SCLT1: variants seen among roughly 807,000 people sequenced by gnomAD.
The protein encoded by SCLT1 is sodium channel-associated protein 1.
In SCLT1, 78 loss-of-function variants were observed where a neutral mutation model predicts 112.8. The observed-to-expected ratio is 0.69, with a 90% CI of 0.58 to 0.83. The LOEUF is 0.83. Among genes scored for constraint, SCLT1 ranks in the 40% least tolerant of loss-of-function variants. SCLT1 has a pLI of 0.00. For missense variants in SCLT1, 747 were observed against 770.4 expected, an observed-to-expected ratio of 0.97 and a Z score of 0.36; for synonymous variants, 257 against 254.7, an observed-to-expected ratio of 1.01 and a Z score of -0.09.
chr4:129,018,673 A>C (rs961572621), intron 5 of SCLT1, among the ~76,000 whole-genome samples: 12 of 152,210 alleles, frequency 7.9e-5, no homozygotes, highest in Admixed American at 2.6e-4. Context: ...ACTCGCTCAA[A>C]GTAAAGACCT....
intron 19 of SCLT1, among the ~76,000 whole-genome samples, chr4:128,889,443 C>T (rs935206122): frequency 6.6e-6 from 1 of 152,148 alleles, no homozygotes. Context: ...TCTGAGGCTA[C>T]CAGAAGCTGG....
intron 8 of SCLT1, among the ~76,000 whole-genome samples, chr4:128,994,563 A>G (rs1332288935): frequency 1.3e-5 from 2 of 152,024 alleles, no homozygotes; most frequent in Non-Finnish European, 2.9e-5. Context: ...TGGTAGTTAT[A>G]TTTTTATTTT....
chr4:128,946,176 T>A (rs992980057), intron 15 of SCLT1, 24 bp from the exon 16 acceptor site: 10 of 1,524,082 alleles, frequency 6.6e-6, no homozygotes, highest in Non-Finnish European at 8.1e-6. Context: ...TTATTAGGTA[T>A]ATAATATTAC....
At chr4:129,039,943 T>A in intron 4 of SCLT1, 9 of 472,506 alleles carry the variant, frequency 1.9e-5, no homozygotes, top group Admixed American at 3.2e-5. Flanking sequence ...AAACCCTGAA[T>A]TTACATGTAA....
rs568445096 is a variant in SCLT1, at chr4:128,933,623, T to C, written c.1829+3032A>G. 4.6e-5 allele frequency among the ~76,000 whole-genome samples: 7 copies of C among 152,212 alleles called. No individual in the cohort carries two copies. The South Asian group carries it at 8.3e-4, about 18-fold the overall frequency. On this transcript the variant is annotated intron_variant, in intron 18 of 20. Coordinates refer to ENST00000281142, the MANE Select transcript of SCLT1 (RefSeq NM_144643.4). ...TCCTAGTTTCTTTTAGGAGACCTCA[T>C]TGCAACTGAATACTGGTCTTGTTTT...
At chr4:128,930,907 A>G (rs1460207186) in intron 18 of SCLT1, among the ~76,000 whole-genome samples, 1 of 152,202 alleles carries the variant, frequency 6.6e-6, no homozygotes, top group Non-Finnish European at 1.5e-5. Context: ...ATATCTTTAA[A>G]AAAAGAATTT....
chr4:128,959,803 A>T, intron 11 of SCLT1, 26 bp from the exon 12 acceptor site: 1 of 1,591,196 alleles, frequency 6.3e-7, no homozygotes, highest in African/African-American at 1.3e-5. Flanking sequence ...TACACTGGGA[A>T]AGTTAAACTT....
At chr4:128,949,987 T>C (rs964106922) in intron 14 of SCLT1, among the ~76,000 whole-genome samples, 11 of 152,098 alleles carry the variant, frequency 7.2e-5, no homozygotes, top group African/African-American at 2.7e-4. Context: ...TAAGCTTCTT[T>C]TGTGACCCAA....
At chr4:128,911,068 A>G (rs1317876714) in intron 18 of SCLT1, among the ~76,000 whole-genome samples, 2 of 152,156 alleles carry the variant, frequency 1.3e-5, no homozygotes, top group East Asian at 3.9e-4. Flanking sequence ...GTTCGAGACC[A>G]GCCTGGCAAA....
intron 18 of SCLT1, among the ~76,000 whole-genome samples, chr4:128,926,088 GT>G (rs1376927861): frequency 4.0e-5 from 6 of 151,562 alleles, no homozygotes; most frequent in African/African-American, 1.2e-4. Flanking sequence ...ACTAGTTTTT[GT>G]TTTTCTTTTT....
At chr4:128,957,864 A>G (rs546240077) in intron 12 of SCLT1, among the ~76,000 whole-genome samples, 1 of 152,214 alleles carries the variant, frequency 6.6e-6, no homozygotes, top group South Asian at 2.1e-4. Context: ...TGTGATTTTC[A>G]GCACATCACA....
intron 4 of SCLT1, among the ~76,000 whole-genome samples, chr4:129,042,642 G>A (rs1672878694): frequency 1.3e-5 from 2 of 152,148 alleles, no homozygotes; most frequent in African/African-American, 4.8e-5. Flanking sequence ...AGACAAAACT[G>A]AAGAGAATAT....
chr4:128,945,261 A>G (rs954482639), intron 16 of SCLT1, among the ~76,000 whole-genome samples: 1 of 152,208 alleles, frequency 6.6e-6, no homozygotes, highest in Non-Finnish European at 1.5e-5. Context: ...AACCCCGTGA[A>G]TGTATGGTAT....
At chr4:129,081,295 A>T (rs1378604322) in intron 2 of SCLT1, among the ~76,000 whole-genome samples, 1 of 152,158 alleles carries the variant, frequency 6.6e-6, no homozygotes, top group Non-Finnish European at 1.5e-5. Context: ...GTAAACCAAT[A>T]AATTAGGTGG....
chr4:129,049,333 C>T (rs1337716973), intron 2 of SCLT1, among the ~76,000 whole-genome samples: 1 of 151,938 alleles, frequency 6.6e-6, no homozygotes, highest in African/African-American at 2.4e-5. Flanking sequence ...CTTTGTAGGA[C>T]ATGGATGAAA....
chr4:129,051,121 A>G (rs1748747505), intron 2 of SCLT1, among the ~76,000 whole-genome samples: 1 of 152,080 alleles, frequency 6.6e-6, no homozygotes, highest in African/African-American at 2.4e-5. Context: ...TGTTTTGGTT[A>G]GTGTAGCAAT....
intron 17 of SCLT1, among the ~76,000 whole-genome samples, chr4:128,940,217 T>C (rs1000038978): frequency 6.9e-6 from 1 of 143,982 alleles, no homozygotes; most frequent in Non-Finnish European, 1.5e-5. Context: ...TTATGGAAAA[T>C]AACAAAGCAT....
At chr4:129,012,518 T>C (rs764569519) in intron 5 of SCLT1, among the ~76,000 whole-genome samples, 1 of 152,186 alleles carries the variant, frequency 6.6e-6, no homozygotes, top group South Asian at 2.1e-4. Context: ...GAGAGTTATA[T>C]AGATGTCTCT....
chr4:128,891,504 T>C (rs1276823717), intron 18 of SCLT1, among the ~76,000 whole-genome samples: 1 of 152,184 alleles, frequency 6.6e-6, no homozygotes, highest in African/African-American at 2.4e-5. Context: ...AAAATACATA[T>C]TTTAAAAGTA....
Sources: allele counts gnomAD v4.1 joint callset (sites outside exome capture counted in the v4.1 genomes callset), GRCh38; gene constraint gnomAD v4.1.1; transcripts MANE v1.5; gene names NCBI Gene and HGNC (gene_info 2026-07-23, HGNC 2026-07-21).